EBF1: variants seen among roughly 807,000 people sequenced by gnomAD.
The protein encoded by EBF1 is EBF transcription factor 1.
EBF1 carries 10 observed loss-of-function variants against 68.4 expected under a neutral mutation model. The observed-to-expected ratio is 0.15, with a 90% confidence interval of 0.09 to 0.25. The LOEUF is 0.25. EBF1 is among the 10% of genes least tolerant of loss of function. The pLI, the probability that EBF1 is intolerant of heterozygous loss-of-function variation, is 1.00. For synonymous variants in EBF1, 298 were observed against 299.8 expected, an observed-to-expected ratio of 0.99 and a Z score of 0.06; for missense variants, 509 against 794.4, an observed-to-expected ratio of 0.64 and a Z score of 4.32.
intron 6 of EBF1, among the ~76,000 whole-genome samples, chr5:159,064,831 A>G (rs991465802): frequency 4.3e-4 from 66 of 151,806 alleles, no homozygotes; most frequent in African/African-American, 1.6e-3. Context: ...TAACCAGGTG[A>G]ACCCTTAACC....
chr5:159,078,099 G>A (rs1779107261), intron 5 of EBF1, among the ~76,000 whole-genome samples: 1 of 152,156 alleles, frequency 6.6e-6, no homozygotes, highest in Non-Finnish European at 1.5e-5. Flanking sequence ...TCAACCACAA[G>A]CAGTGGAAGG....
At chr5:159,013,502 G>T (rs138560232) in intron 6 of EBF1, among the ~76,000 whole-genome samples, 1 of 152,198 alleles carries the variant, frequency 6.6e-6, no homozygotes, top group African/African-American at 2.4e-5. Flanking sequence ...AGAGAGGCAA[G>T]GAAGGCACTC....
intron 10 of EBF1, among the ~76,000 whole-genome samples, chr5:158,737,100 C>A (rs926940253): frequency 6.6e-6 from 1 of 152,046 alleles, no homozygotes; most frequent in African/African-American, 2.4e-5. Flanking sequence ...GTGCCCCTGC[C>A]TCGGAGAGAG....
Position 158,834,636 on chromosome 5 carries a change from C to T in EBF1, c.636+5393G>A, listed in dbSNP as rs555865648. ...AACACTAAGGTCACACTAATTGACACGACCTGTGTAATTAAGCAATCTCTG... is the reference window on the plus strand; with the variant it reads ...AACACTAAGGTCACACTAATTGACATGACCTGTGTAATTAAGCAATCTCTG... On this transcript the variant is annotated intron_variant, in intron 7 of 15. Transcript: ENST00000313708. Among the ~76,000 whole-genome samples, 10 of 152,278 alleles carry T rather than the reference C, an allele frequency of 6.6e-5. No homozygotes were observed. The East Asian group carries it at 1.3e-3, about 21-fold the overall frequency.
Position 158,712,344 on chromosome 5 carries a change from G to C in EBF1, c.1370-11C>G. The C allele has an allele frequency of 6.2e-7, 1 of 1,612,838 alleles. No individual in the cohort carries two copies. The highest frequency in any genetic ancestry group is 1.7e-5 in the Admixed American group (1 of 59,934). Reference sequence around the variant, plus strand: ...AGTTGCGGGTGAAACCTGAGGGGCGGGGGCAAAACCGGAGGTGAGGGTGGC... The same window carrying C: ...AGTTGCGGGTGAAACCTGAGGGGCGCGGGCAAAACCGGAGGTGAGGGTGGC... On this transcript the variant is annotated splice_polypyrimidine_tract_variant and intron_variant, in intron 13 of 15. Transcript: ENST00000313708.
intron 7 of EBF1, among the ~76,000 whole-genome samples, chr5:158,835,728 T>G (rs1008119204): frequency 1.3e-5 from 2 of 152,328 alleles, no homozygotes; most frequent in Non-Finnish European, 2.9e-5. Flanking sequence ...TCAGACTGCT[T>G]GGATTATACC....
chr5:158,953,997 T>C (rs900042294), intron 6 of EBF1, among the ~76,000 whole-genome samples: 1 of 152,232 alleles, frequency 6.6e-6, no homozygotes, highest in Non-Finnish European at 1.5e-5. Context: ...TTTATATGAA[T>C]AGCAAGATGT....
chr5:159,068,910 AT>A (rs539555449), intron 6 of EBF1, among the ~76,000 whole-genome samples: 28 of 151,978 alleles, frequency 1.8e-4, no homozygotes, highest in Admixed American at 1.1e-3. Context: ...AAATTTGTGT[AT>A]TTTTTTTATG....
intron 10 of EBF1, among the ~76,000 whole-genome samples, chr5:158,741,635 G>C (rs1032396092): frequency 6.6e-6 from 1 of 151,552 alleles, no homozygotes; most frequent in African/African-American, 2.4e-5. Flanking sequence ...CCTTAAACTG[G>C]TAGTTTATAC....
In EBF1 at chr5:159,066,584, T is replaced by G. The variant is rs577797031; in HGVS notation, c.554+6812A>C. Among the ~76,000 whole-genome samples, 4 of 145,856 alleles carry G rather than the reference T, an allele frequency of 2.7e-5. No individual in the cohort carries two copies. In the East Asian group the frequency reaches 7.8e-4, roughly 28 times the overall value. On this transcript the variant is annotated intron_variant, in intron 6 of 15. Transcript: ENST00000313708. ...CACCCATGAAAAATGTAACAAAGAT[T>G]TTTTTTTTTTGCATGACTCCCCTCC...
chr5:158,939,578 T>A, intron 6 of EBF1, among the ~76,000 whole-genome samples: 1 of 152,218 alleles, frequency 6.6e-6, no homozygotes, highest in East Asian at 1.9e-4. Flanking sequence ...ATGTCAAGTT[T>A]GGGTTTATTA....
At chr5:158,847,908 T>C (rs1306829302) in intron 6 of EBF1, among the ~76,000 whole-genome samples, 1 of 152,156 alleles carries the variant, frequency 6.6e-6, no homozygotes, top group Non-Finnish European at 1.5e-5. Context: ...GGATTACTGG[T>C]GTAAATCTTT....
chr5:158,858,159 G>A (rs1794384033), intron 6 of EBF1, among the ~76,000 whole-genome samples: 1 of 152,198 alleles, frequency 6.6e-6, no homozygotes, highest in African/African-American at 2.4e-5. Flanking sequence ...TCTGTTCGGA[G>A]TAAGTGATGA....
At chr5:159,018,014 T>C (rs1044877074) in intron 6 of EBF1, among the ~76,000 whole-genome samples, 1 of 152,034 alleles carries the variant, frequency 6.6e-6, no homozygotes, top group Admixed American at 6.6e-5. Flanking sequence ...CCCCCGTCCC[T>C]GCCCCAGCCT....
intron 10 of EBF1, among the ~76,000 whole-genome samples, chr5:158,776,309 C>CGAGA (rs370864488): frequency 8.1e-5 from 12 of 147,986 alleles, no homozygotes; most frequent in Admixed American, 1.4e-4. Context: ...TTTATAATTT[C>CGAGA]GAGAGAGAGA....
chr5:159,019,838 A>C (rs1337259879), intron 6 of EBF1, among the ~76,000 whole-genome samples: 2 of 151,986 alleles, frequency 1.3e-5, no homozygotes, highest in African/African-American at 4.8e-5. Context: ...TTCTCGGTGC[A>C]TCTCTGATAA....
intron 6 of EBF1, among the ~76,000 whole-genome samples, chr5:158,930,845 T>C (rs1297702197): frequency 6.6e-6 from 1 of 151,898 alleles, no homozygotes; most frequent in South Asian, 2.1e-4. Context: ...TCATACCACC[T>C]CTGCAATTCA....
At chr5:159,080,694 G>T (rs1199802735) in intron 5 of EBF1, among the ~76,000 whole-genome samples, 1 of 152,134 alleles carries the variant, frequency 6.6e-6, no homozygotes, top group Admixed American at 6.6e-5. Context: ...TGTGTGTAAA[G>T]GCACTGTGAT....
chr5:159,077,745 C>CTTT (rs58717165), intron 5 of EBF1, among the ~76,000 whole-genome samples: 884 of 80,656 alleles, frequency 0.011, 49 homozygotes, highest in African/African-American at 0.024. Flanking sequence ...CAGTGGTTTG[C>CTTT]TTTTTTTTTT....
Sources: allele counts gnomAD v4.1 joint callset (sites outside exome capture counted in the v4.1 genomes callset), GRCh38; gene constraint gnomAD v4.1.1; transcripts MANE v1.5; gene names NCBI Gene and HGNC (gene_info 2026-07-23, HGNC 2026-07-21).